PHKA2: variants seen among roughly 807,000 people sequenced by gnomAD.
The protein encoded by PHKA2 is phosphorylase b kinase regulatory subunit alpha, liver isoform.
Under a neutral mutation model 102.0 loss-of-function variants are expected in PHKA2, and 31 were observed. The ratio of observed to expected loss-of-function variants is 0.30; its 90% CI spans 0.23 to 0.41. The LOEUF (loss-of-function observed/expected upper bound fraction) is 0.41, where lower values mean the gene tolerates loss of function less well. PHKA2 is among the 10% of genes least tolerant of loss of function. The pLI is 1.00. For synonymous variants in PHKA2, 455 were observed against 416.2 expected, an observed-to-expected ratio of 1.09 and a Z score of -1.13; for missense variants, 858 against 1,023.1, an observed-to-expected ratio of 0.84 and a Z score of 2.20.
At chrX:18,893,721 G>A in intron 32 of PHKA2, 66 bp from the exon 33 acceptor site, 5 of 1,045,502 alleles carry the variant, frequency 4.8e-6, no homozygotes, top group Non-Finnish European at 6.7e-6. Context: ...CTTCTGCGTG[G>A]TGGTGGCAGC....
intron 1 of PHKA2, among the ~76,000 whole-genome samples, chrX:18,970,053 A>C (rs1385797521): frequency 2.7e-5 from 3 of 110,480 alleles, no homozygotes; most frequent in Non-Finnish European, 5.7e-5. Flanking sequence ...CAGACTGGGC[A>C]ATACAGTGCG....
intron 10 of PHKA2, among the ~76,000 whole-genome samples, chrX:18,938,408 A>C (rs768830562): frequency 8.8e-6 from 1 of 113,419 alleles, no homozygotes; most frequent in East Asian, 2.8e-4. Flanking sequence ...TAAAGCAGAG[A>C]CAACCTGTCC....
chrX:18,906,887 C>T (rs1375094937), intron 23 of PHKA2, 73 bp from the exon 24 acceptor site: 12 of 1,031,675 alleles, frequency 1.2e-5, no homozygotes, highest in Non-Finnish European at 9.6e-6. Context: ...CCATGGAACA[C>T]CCTTATTTTC....
In PHKA2 at chrX:18,943,825, G is replaced by C. The variant is rs2048534374; in HGVS notation, c.619-17C>G. On this transcript the variant is annotated splice_polypyrimidine_tract_variant and intron_variant, in intron 6 of 32. Coordinates refer to ENST00000379942, the MANE Select transcript of PHKA2 (RefSeq NM_000292.3). ...AAGAGCTGCCTACAAACACAGGTAT[G>C]AGTTACTTTTTCTTTCTAATAAACA... 1 of 1,125,130 alleles carries C rather than the reference G, an allele frequency of 8.9e-7. No individual in the cohort carries two copies. The highest frequency in any genetic ancestry group is 1.8e-5 in the African/African-American group (1 of 55,592). The allele number at this position is 1,125,130 out of a possible 1,213,427, so 92.7% of individuals were successfully genotyped here.
chrX:18,900,942 G>C (rs942628390), intron 27 of PHKA2, among the ~76,000 whole-genome samples: 1 of 110,199 alleles, frequency 9.1e-6, no homozygotes, highest in East Asian at 2.8e-4. Flanking sequence ...GCAAGGCCTA[G>C]CACAGCACCC....
At chrX:18,939,794 A>G (rs1906787209) in intron 9 of PHKA2, among the ~76,000 whole-genome samples, 2 of 112,055 alleles carry the variant, frequency 1.8e-5, no homozygotes, top group Non-Finnish European at 3.8e-5. Flanking sequence ...CGCCTGGCCA[A>G]GCTGGTTTTA....
intron 5 of PHKA2, among the ~76,000 whole-genome samples, chrX:18,946,322 T>C (rs1203812459): frequency 9.0e-6 from 1 of 111,345 alleles, no homozygotes; most frequent in Non-Finnish European, 1.9e-5. Context: ...CTTCTTCCCT[T>C]GAGCACTCTT....
rs1289496171 is a variant in PHKA2, at chrX:18,943,731, T to C, written c.696A>G (p.Pro232=). ...TTACCTGGCAGTGCTCGACCTCATCTGGCAGAACATGAATCACTGACTTGC... is the reference window on the plus strand; with the variant it reads ...TTACCTGGCAGTGCTCGACCTCATCCGGCAGAACATGAATCACTGACTTGC... ...GGRKSVIHVL[P]DEVEHCQSIL... Residue 232 remains proline, a synonymous_variant, in exon 7 of 33, where the codon CCA becomes CCG. Transcript: ENST00000379942. 5.8e-6 allele frequency: 7 copies of C among 1,209,248 alleles called. No individual in the cohort carries two copies. Among genetic ancestry groups the C allele is most frequent in the Non-Finnish European group, 7.8e-6 (7 of 892,975 alleles).
At chrX:18,908,184 C>T (rs893200409) in intron 21 of PHKA2, 128 bp from the exon 22 acceptor site, 4 of 666,063 alleles carry the variant, frequency 6.0e-6, no homozygotes, top group African/African-American at 4.3e-5. Context: ...GAGAGGGTTA[C>T]GCCCGACCAA....
chrX:18,903,033 A>C (rs1242907467), intron 26 of PHKA2: 2 of 112,646 alleles, frequency 1.8e-5, no homozygotes, highest in East Asian at 5.6e-4. Flanking sequence ...TTGATATTTT[A>C]GTCATGATTC....
intron 5 of PHKA2, among the ~76,000 whole-genome samples, chrX:18,947,520 C>T (rs2048602298): frequency 8.9e-6 from 1 of 112,506 alleles, no homozygotes; most frequent in Non-Finnish European, 1.9e-5. Flanking sequence ...CCAGCTCCCA[C>T]CAAGGTGCTA....
chrX:18,951,101 C>T lies in PHKA2; in HGVS notation c.454+3G>A. The T allele has an allele frequency of 1.7e-6, 2 of 1,210,977 alleles. No individual in the cohort carries two copies. The highest frequency in any genetic ancestry group is 1.8e-5 in the South Asian group (1 of 56,984). On this transcript the variant is annotated splice_donor_region_variant and intron_variant, in intron 4 of 32. Coordinates refer to ENST00000379942, the MANE Select transcript of PHKA2 (RefSeq NM_000292.3). The stretch of plus-strand genomic sequence containing the variant: ...ACAATGGGCTCCAGCAACCCCAGCT[C>T]ACCTGAGGCGGTCATCTGGGCCAGG...
At chrX:18,918,353 C>T (rs1167124073) in intron 19 of PHKA2, among the ~76,000 whole-genome samples, 1 of 112,477 alleles carries the variant, frequency 8.9e-6, no homozygotes, top group African/African-American at 3.2e-5. Context: ...TTTAACTAAA[C>T]TTTAACCCCT....
chrX:18,946,049 T>G (rs976858010), intron 5 of PHKA2, among the ~76,000 whole-genome samples: 8 of 110,163 alleles, frequency 7.3e-5, no homozygotes, highest in Non-Finnish European at 1.1e-4. Flanking sequence ...TGCCTCAGCC[T>G]CCCGAGTAGC....
At chrX:18,959,950 T>G (rs1048797374) in intron 1 of PHKA2, among the ~76,000 whole-genome samples, 1 of 111,363 alleles carries the variant, frequency 9.0e-6, no homozygotes, top group Admixed American at 9.6e-5. Flanking sequence ...AGGAGCCTAA[T>G]AGAAACTGAG....
Position 18,959,095 on chromosome X carries a change from A to G in PHKA2, c.79-4683T>C, listed in dbSNP as rs180794988. ...CATGTATTGTGTTTAAGAGCAGGCT[A>G]GAATCAAACTGCCGTGTTCAAAGCT... On this transcript the variant is annotated intron_variant, in intron 1 of 32. Coordinates refer to ENST00000379942, the MANE Select transcript of PHKA2 (RefSeq NM_000292.3). Among the ~76,000 whole-genome samples, 652 of 112,322 alleles carry G rather than the reference A, an allele frequency of 5.8e-3. 4 individuals are homozygous for G. Among genetic ancestry groups the G allele is most frequent in the African/African-American group, 0.02 (620 of 30,923 alleles).
chrX:18,917,597 C>G (rs1459425403), intron 19 of PHKA2, among the ~76,000 whole-genome samples: 1 of 111,734 alleles, frequency 8.9e-6, no homozygotes, highest in Non-Finnish European at 1.9e-5. Flanking sequence ...TATACCCAGC[C>G]AAACTCTCAA....
intron 19 of PHKA2, among the ~76,000 whole-genome samples, chrX:18,913,480 A>ACTGCAACCTCCACCTCC (rs1490373882): frequency 9.3e-6 from 1 of 107,877 alleles, no homozygotes; most frequent in African/African-American, 3.4e-5. Flanking sequence ...ATCTCGGCTC[A>ACTGCAACCTCCACCTCC]CTGCAACCTC....
At chrX:18,972,590 A>G (rs774255331) in intron 1 of PHKA2, among the ~76,000 whole-genome samples, 1 of 112,371 alleles carries the variant, frequency 8.9e-6, no homozygotes, top group African/African-American at 3.2e-5. Flanking sequence ...TTCTCCAGGC[A>G]TGTCTAGCCC....
Sources: allele counts gnomAD v4.1 joint callset (sites outside exome capture counted in the v4.1 genomes callset), GRCh38; gene constraint gnomAD v4.1.1; transcripts MANE v1.5; gene names NCBI Gene and HGNC (gene_info 2026-07-23, HGNC 2026-07-21).